Variants in LIMS1 observed in about 807,000 individuals in gnomAD.
LIMS1 encodes LIM and senescent cell antigen-like-containing domain protein 1.
LIMS1 carries 18 observed loss-of-function variants against 44.1 expected under a neutral mutation model. The observed-to-expected ratio is 0.41, with a 90% CI of 0.28 to 0.61. The LOEUF is 0.61. Ranked by LOEUF, LIMS1 falls within the 20% of genes least tolerant of loss-of-function variation. The pLI is 0.32. For synonymous variants in LIMS1, 93 were observed against 149.1 expected, an observed-to-expected ratio of 0.62 and a Z score of 2.74; for missense variants, 201 against 422.0, an observed-to-expected ratio of 0.48 and a Z score of 4.59.
At chr2:108,646,913 G>A (rs186349839) in intron 1 of LIMS1, among the ~76,000 whole-genome samples, 1 of 152,230 alleles carries the variant, frequency 6.6e-6, no homozygotes, top group East Asian at 1.9e-4. Context: ...AGTAGAGACA[G>A]GGTTTCACCG....
At chr2:108,567,684 G>A (rs142234844) in intron 1 of LIMS1, among the ~76,000 whole-genome samples, 5 of 152,244 alleles carry the variant, frequency 3.3e-5, no homozygotes, top group South Asian at 2.1e-4. Flanking sequence ...CGATTCTCCT[G>A]CTTCAGCCTC....
At chr2:108,630,570 G>A (rs758994958) in intron 1 of LIMS1, among the ~76,000 whole-genome samples, 2 of 152,150 alleles carry the variant, frequency 1.3e-5, no homozygotes, top group Non-Finnish European at 2.9e-5. Context: ...GTATCATGAC[G>A]AATGGCACAG....
chr2:108,589,898 T>TA (rs2104680274), intron 1 of LIMS1, among the ~76,000 whole-genome samples: 1 of 152,354 alleles, frequency 6.6e-6, no homozygotes, highest in African/African-American at 2.4e-5. Context: ...TCAGAAAAGA[T>TA]ACGTGATGTA....
chr2:108,639,364 T>C (rs530004743), intron 1 of LIMS1, among the ~76,000 whole-genome samples: 4 of 152,368 alleles, frequency 2.6e-5, no homozygotes, highest in African/African-American at 9.6e-5. Context: ...GTGCTGGAAA[T>C]GTTGATCATC....
intron 5 of LIMS1, among the ~76,000 whole-genome samples, chr2:108,675,424 C>G (rs1173006367): frequency 7.2e-6 from 1 of 139,432 alleles, no homozygotes; most frequent in East Asian, 3.5e-4. Context: ...AGGGCAGAGC[C>G]TTCATGATGT....
At chr2:108,650,486 C>T (rs187342850) in intron 1 of LIMS1, among the ~76,000 whole-genome samples, 2 of 151,488 alleles carry the variant, frequency 1.3e-5, no homozygotes, top group Non-Finnish European at 1.5e-5. Context: ...TGCACAATCT[C>T]GGCTCACTGC....
At chr2:108,582,950 A>G (rs187914502) in intron 1 of LIMS1, among the ~76,000 whole-genome samples, 108 of 152,162 alleles carry the variant, frequency 7.1e-4, no homozygotes, top group Non-Finnish European at 1.3e-3. Context: ...TTTTGCCCTT[A>G]ATTGTTCCTT....
In LIMS1 at chr2:108,676,933, TC is replaced by T. The variant is rs1328850545; in HGVS notation, c.774+237del. On this transcript the variant is annotated intron_variant, in intron 7 of 9. Transcript: ENST00000544547. ...CTTTATCATTTCCCAAGCTCAGTCT[TC>T]CTGTGTAAAACACATAGTTACGTAA... 3.4e-4 allele frequency: 174 copies of T among 517,234 alleles called. 2 individuals are homozygous for T. The highest frequency in any genetic ancestry group is 2.5e-3 in the Admixed American group (67 of 26,710). 32.0% of individuals were successfully genotyped at this position (517,234 alleles called of 1,614,324 possible). A position where few individuals can be genotyped will look rare whatever the true frequency, so the allele number is the denominator to read the frequency against.
At chr2:108,535,630 A>T (rs373655142) in intron 1 of LIMS1, among the ~76,000 whole-genome samples, 1 of 152,228 alleles carries the variant, frequency 6.6e-6, no homozygotes, top group East Asian at 1.9e-4. Flanking sequence ...ATTCGTTACC[A>T]TCGCTATTGA....
chr2:108,660,382 G>A (rs1196042666), intron 2 of LIMS1: 4 of 453,544 alleles, frequency 8.8e-6, no homozygotes, highest in East Asian at 7.0e-5. Context: ...CACTTCCTTT[G>A]TAGTGTATTT....
At chr2:108,612,003 C>CTCATATATAAAATATAT (rs1687664824) in intron 1 of LIMS1, among the ~76,000 whole-genome samples, 1 of 122,692 alleles carries the variant, frequency 8.2e-6, no homozygotes, top group Non-Finnish European at 1.7e-5. Flanking sequence ...ATTATATATA[C>CTCATATATAAAATATAT]ACACATATAT....
chr2:108,636,931 G>A (rs1179226734), intron 1 of LIMS1, among the ~76,000 whole-genome samples: 1 of 152,072 alleles, frequency 6.6e-6, no homozygotes, highest in African/African-American at 2.4e-5. Flanking sequence ...AGCTTACAGT[G>A]GTTGACCTCC....
At position 108,566,749 on chromosome 2, in the gene LIMS1, AC is replaced by A. The variant is rs1685304328; in HGVS notation, c.32+32157del. Among the ~76,000 whole-genome samples the A allele has an allele frequency of 2.0e-5, 3 of 152,256 alleles. No individual in the cohort carries two copies. In the East Asian group the frequency reaches 5.8e-4, roughly 29 times the overall value. On this transcript the variant is annotated intron_variant, in intron 1 of 9. Transcript: ENST00000544547. ...GTAGCTGGGATTACAGATGCCCAGC[AC>A]CATGCCCAGCTAATTTTTGTATTTT...
At chr2:108,674,632 A>T (rs1445277073) in intron 5 of LIMS1, among the ~76,000 whole-genome samples, 2 of 145,704 alleles carry the variant, frequency 1.4e-5, no homozygotes, top group African/African-American at 5.1e-5. Flanking sequence ...GAGGCAGGAG[A>T]ATGGCATGAA....
At chr2:108,593,229 A>G (rs1043312705) in intron 1 of LIMS1, among the ~76,000 whole-genome samples, 3 of 151,838 alleles carry the variant, frequency 2.0e-5, no homozygotes, top group Admixed American at 2.0e-4. Context: ...TGATAGTCTC[A>G]TGGTTTTTCT....
At chr2:108,675,846 A>G (rs759562839) in intron 5 of LIMS1, 32 bp from the exon 6 acceptor site, 1 of 1,613,814 alleles carries the variant, frequency 6.2e-7, no homozygotes, top group Non-Finnish European at 8.5e-7. Flanking sequence ...TTTCTCTCTT[A>G]GTATTAAGCT....
chr2:108,543,256 C>A (rs1324385823), intron 1 of LIMS1, among the ~76,000 whole-genome samples: 1 of 151,934 alleles, frequency 6.6e-6, no homozygotes, highest in Non-Finnish European at 1.5e-5. Context: ...CATAGTGGTA[C>A]CTCATCTCTA....
intron 1 of LIMS1, among the ~76,000 whole-genome samples, chr2:108,583,304 A>G (rs558672058): frequency 6.6e-6 from 1 of 152,112 alleles, no homozygotes; most frequent in Admixed American, 6.5e-5. Flanking sequence ...AGGCCTCCCA[A>G]AGTGCTGGGA....
chr2:108,620,981 C>T (rs551076086), intron 1 of LIMS1, among the ~76,000 whole-genome samples: 1 of 152,308 alleles, frequency 6.6e-6, no homozygotes, highest in South Asian at 2.1e-4. Flanking sequence ...TTAGCGACTA[C>T]CTTACTGGAG....
Sources: gnomAD v4.1 joint callset for allele counts (sites outside exome capture counted in the v4.1 genomes callset) on GRCh38, gnomAD v4.1.1 for gene constraint, MANE v1.5 for transcripts, NCBI Gene and HGNC (gene_info 2026-07-23, HGNC 2026-07-21) for gene names.